Variants in CYP46A1 observed in about 807,000 individuals in gnomAD.
CYP46A1 encodes the protein cytochrome P450 family 46 subfamily A member 1, also known as cholesterol 24-hydroxylase.
A neutral mutation model predicts 63.3 loss-of-function variants in CYP46A1; 20 were observed. The observed-to-expected ratio is 0.32, with a 90% CI of 0.22 to 0.46. The LOEUF is 0.46. Among genes scored for constraint, CYP46A1 ranks in the 20% least tolerant of loss-of-function variants. CYP46A1 has a pLI of 1.00. For synonymous variants in CYP46A1, 268 were observed against 273.6 expected, an observed-to-expected ratio of 0.98 and a Z score of 0.20; for missense variants, 445 against 670.8, an observed-to-expected ratio of 0.66 and a Z score of 3.72.
At chr14:99,726,300 G>A (rs1305176402) in intron 14 of CYP46A1, 44 bp downstream of exon 14, 3 of 1,593,498 alleles carry the variant, frequency 1.9e-6, no homozygotes, top group Non-Finnish European at 2.6e-6. Context: ...GTAGCTGCAG[G>A]GGTGGGGGCT....
At chr14:99,720,956 G>A (rs1305105301) in intron 10 of CYP46A1, among the ~76,000 whole-genome samples, 3 of 151,380 alleles carry the variant, frequency 2.0e-5, no homozygotes, top group Non-Finnish European at 4.4e-5. Flanking sequence ...GTGCTGGTGG[G>A]TGCCTGTAAT....
chr14:99,726,745 A>T lies in CYP46A1; in HGVS notation c.*18A>T, dbSNP rs928735159. 3 of 1,498,652 alleles carry T rather than the reference A, an allele frequency of 2.0e-6. No homozygotes were observed. Among genetic ancestry groups the T allele is most frequent in the Admixed American group, 2.3e-5 (1 of 44,160 alleles). The allele number at this position is 1,498,652 out of a possible 1,614,324, so 92.8% of individuals were successfully genotyped here. ...CCTGCTGAGGGGGCCTCCAGGCAGGACGAGACTCCTCGGGCAAGGGCCGTG... is the reference window on the plus strand; with the variant it reads ...CCTGCTGAGGGGGCCTCCAGGCAGGTCGAGACTCCTCGGGCAAGGGCCGTG... On this transcript the variant is annotated 3_prime_UTR_variant, in exon 15 of 15. Transcript: ENST00000261835.
chr14:99,703,802 G>C (rs1566829577), intron 5 of CYP46A1: 3 of 983,116 alleles, frequency 3.1e-6, no homozygotes, highest in Non-Finnish European at 3.6e-6. Flanking sequence ...AAGCCCTCCA[G>C]GAATGCCCAT....
rs569641888 is a variant in CYP46A1 at position 99,726,463 on chromosome 14, A to G, written c.1333-94A>G. The G allele has an allele frequency of 5.5e-5, 70 of 1,282,444 alleles. 3 individuals carry two copies. The African/African-American group carries it at 7.8e-4, about 14-fold the overall frequency. The allele number at this position is 1,282,444 out of a possible 1,614,324, so 79.4% of individuals were successfully genotyped here. On this transcript the variant is annotated intron_variant, in intron 14 of 14. Coordinates refer to ENST00000261835, the MANE Select transcript of CYP46A1 (RefSeq NM_006668.2). ...CTCCCCAGGCTCTCACAGGCTCTCCAGGAGGAGAGCCGGCTGTGACATTTG... is the reference window on the plus strand; with the variant it reads ...CTCCCCAGGCTCTCACAGGCTCTCCGGGAGGAGAGCCGGCTGTGACATTTG...
intron 9 of CYP46A1, among the ~76,000 whole-genome samples, chr14:99,716,492 T>A (rs78527951): frequency 0.073 from 11,169 of 152,310 alleles, 513 homozygotes; most frequent in East Asian, 0.18. Flanking sequence ...TGGGGAGGCC[T>A]GCATTAGACT....
At chr14:99,707,881 G>C (rs1011441328) in intron 7 of CYP46A1, 3 of 565,146 alleles carry the variant, frequency 5.3e-6, no homozygotes, top group Non-Finnish European at 6.3e-6. Flanking sequence ...TAAATTAGGA[G>C]TTAATCTTTC....
At position 99,684,687 on chromosome 14, in the gene CYP46A1, C is replaced by T. The variant is rs1462581750; in HGVS notation, c.119+151C>T. On this transcript the variant is annotated intron_variant, in intron 1 of 14. Coordinates refer to ENST00000261835, the MANE Select transcript of CYP46A1 (RefSeq NM_006668.2). ...GGCCCCGAGAGGGGCGCTAACTATT[C>T]TTAGTAACAAATTACTCACAGCCGC... is the stretch of plus-strand genomic sequence containing the variant. 4.3e-6 allele frequency: 3 copies of T among 697,168 alleles called. No homozygotes were observed. In the East Asian group the frequency reaches 8.6e-5, roughly 20 times the overall value. The allele number at this position is 697,168 out of a possible 1,614,324, so 43.2% of individuals were successfully genotyped here.
At chr14:99,687,657 C>G (rs888441140) in intron 1 of CYP46A1, among the ~76,000 whole-genome samples, 1 of 152,240 alleles carries the variant, frequency 6.6e-6, no homozygotes, top group Non-Finnish European at 1.5e-5. Flanking sequence ...ATGGCCTCTC[C>G]TCGTTCACTG....
intron 14 of CYP46A1, 58 bp from the exon 15 acceptor site, chr14:99,726,499 A>G (rs1210371533): frequency 7.0e-7 from 1 of 1,438,498 alleles, no homozygotes; most frequent in Non-Finnish European, 9.3e-7. Flanking sequence ...CTGCTCATTC[A>G]CTCACTCATT....
At chr14:99,686,354 T>C (rs1319275480) in intron 1 of CYP46A1, among the ~76,000 whole-genome samples, 1 of 152,236 alleles carries the variant, frequency 6.6e-6, no homozygotes, top group South Asian at 2.1e-4. Flanking sequence ...AAAATTGAAA[T>C]GTAACTTGCA....
intron 1 of CYP46A1, among the ~76,000 whole-genome samples, chr14:99,690,197 A>C (rs1449417465): frequency 2.0e-5 from 3 of 152,202 alleles, no homozygotes; most frequent in African/African-American, 7.2e-5. Context: ...CTGAGGTTGC[A>C]ATTTTTTGAA....
rs773842361 is a variant in CYP46A1, at chr14:99,726,231, C to T, written c.1307C>T (p.Ser436Phe). The part of the protein sequence containing the change: ...TYFPFSLGHR[S>F]CIGQQFAQME... ...TTCCCCTTCTCCCTGGGCCACCGCT[C>T]CTGCATCGGGCAGCAGTTTGCTCAG... Residue 436 changes from serine (S) to phenylalanine (F), a missense_variant, in exon 14 of 15, where the codon TCC (serine) becomes TTC (phenylalanine). Ser to Phe is a radical substitution (Grantham distance 155). Transcript: ENST00000261835. 1 of 1,613,854 alleles carries T rather than the reference C, an allele frequency of 6.2e-7. No homozygotes were observed. The highest frequency in any genetic ancestry group is 8.5e-7 in the Non-Finnish European group (1 of 1,179,994).
intron 7 of CYP46A1, among the ~76,000 whole-genome samples, chr14:99,713,832 C>A (rs1162110485): frequency 7.1e-6 from 1 of 139,982 alleles, no homozygotes; most frequent in African/African-American, 2.7e-5. Flanking sequence ...TGCCACTGCA[C>A]TCCAGCATGG....
At chr14:99,716,296 A>G (rs2056789913) in intron 9 of CYP46A1, 97 bp downstream of exon 9, 2 of 1,329,892 alleles carry the variant, frequency 1.5e-6, no homozygotes, top group Admixed American at 1.8e-5. Flanking sequence ...TTTTTGGGCT[A>G]TCTGAGCAGA....
intron 7 of CYP46A1, chr14:99,708,873 T>A (rs1200463129): frequency 6.6e-6 from 1 of 152,252 alleles, no homozygotes; most frequent in African/African-American, 2.4e-5. Flanking sequence ...CTGCCTGGCA[T>A]CTCCATCCTC....
intron 5 of CYP46A1, among the ~76,000 whole-genome samples, chr14:99,703,338 C>A (rs2056648354): frequency 6.6e-6 from 1 of 152,206 alleles, no homozygotes; most frequent in Admixed American, 6.5e-5. Flanking sequence ...GCCTACCCTC[C>A]TCCTGTCTCC....
At chr14:99,689,189 T>G (rs2056521959) in intron 1 of CYP46A1, among the ~76,000 whole-genome samples, 1 of 152,138 alleles carries the variant, frequency 6.6e-6, no homozygotes, top group Non-Finnish European at 1.5e-5. Flanking sequence ...TGCTCAATAG[T>G]CCACCACAAA....
intron 1 of CYP46A1, among the ~76,000 whole-genome samples, chr14:99,686,181 A>G (rs528464120): frequency 1.3e-5 from 2 of 152,310 alleles, no homozygotes; most frequent in South Asian, 2.1e-4. Flanking sequence ...CGTGGTGGAC[A>G]CTATCACCCT....
At chr14:99,707,924 G>T in intron 7 of CYP46A1, 1 of 479,386 alleles carries the variant, frequency 2.1e-6, no homozygotes, top group South Asian at 2.5e-5. Context: ...AGCAGGCAAT[G>T]TAGGATGACT....
Sources: allele counts gnomAD v4.1 joint callset (sites outside exome capture counted in the v4.1 genomes callset), GRCh38; gene constraint gnomAD v4.1.1; transcripts MANE v1.5; gene names NCBI Gene and HGNC (gene_info 2026-07-23, HGNC 2026-07-21).